KCNAB1: variants seen among roughly 807,000 people sequenced by gnomAD.
The protein encoded by KCNAB1 is potassium voltage-gated channel subfamily A regulatory beta subunit 1, also known as voltage-gated potassium channel subunit beta-1.
A neutral mutation model predicts 64.6 loss-of-function variants in KCNAB1; 35 were observed. The ratio of observed to expected loss-of-function variants is 0.54; its 90% confidence interval spans 0.41 to 0.72. The LOEUF (loss-of-function observed/expected upper bound fraction) is 0.72. KCNAB1 is among the 30% of genes least tolerant of loss of function. The pLI, the probability that KCNAB1 is intolerant of heterozygous loss-of-function variation, is 0.00. For missense variants in KCNAB1, 401 were observed against 512.9 expected, an observed-to-expected ratio of 0.78 and a Z score of 2.11; for synonymous variants, 177 against 183.8, an observed-to-expected ratio of 0.96 and a Z score of 0.30.
chr3:156,438,200 T>G (rs1034345903), intron 2 of KCNAB1, among the ~76,000 whole-genome samples: 2 of 152,198 alleles, frequency 1.3e-5, no homozygotes, highest in Admixed American at 6.5e-5. Context: ...CTAAGTTACT[T>G]GCTCATCCAA....
At chr3:156,154,217 AAGTAGTGCAGAT>A (rs55961618) in intron 1 of KCNAB1, among the ~76,000 whole-genome samples, 116,881 of 151,648 alleles carry the variant, frequency 0.77, 45,242 homozygotes, top group East Asian at 0.93. Flanking sequence ...AGGTCACCAG[AAGTAGTGCAGAT>A]AGTAGTGCAG....
At chr3:156,450,274 A>C (rs770556111) in intron 2 of KCNAB1, among the ~76,000 whole-genome samples, 11 of 152,184 alleles carry the variant, frequency 7.2e-5, no homozygotes, top group Admixed American at 5.2e-4. Flanking sequence ...TGACCAATGC[A>C]TTCTACATCC....
intron 1 of KCNAB1, among the ~76,000 whole-genome samples, chr3:156,283,252 T>C (rs1193548094): frequency 6.6e-6 from 1 of 150,840 alleles, no homozygotes; most frequent in Non-Finnish European, 1.5e-5. Flanking sequence ...TATGAAATTC[T>C]GGGTTGAAAA....
At chr3:156,444,975 AAAG>A (rs974627661) in intron 2 of KCNAB1, among the ~76,000 whole-genome samples, 1 of 152,178 alleles carries the variant, frequency 6.6e-6, no homozygotes, top group Non-Finnish European at 1.5e-5. Context: ...CAATTGAGTA[AAAG>A]AAGAAGAAAG....
intron 1 of KCNAB1, among the ~76,000 whole-genome samples, chr3:156,170,078 T>C (rs1158163434): frequency 6.6e-6 from 1 of 152,172 alleles, no homozygotes; most frequent in African/African-American, 2.4e-5. Flanking sequence ...CCTGTTTCTC[T>C]TGGGGCCAAG....
intron 1 of KCNAB1, among the ~76,000 whole-genome samples, chr3:156,207,214 T>G (rs1282431630): frequency 6.6e-6 from 1 of 152,124 alleles, no homozygotes; most frequent in East Asian, 1.9e-4. Context: ...GGTGGCAGGG[T>G]GGGAGTAGTG....
At chr3:156,368,584 A>G (rs1337910046) in intron 1 of KCNAB1, among the ~76,000 whole-genome samples, 1 of 152,078 alleles carries the variant, frequency 6.6e-6, no homozygotes, top group Non-Finnish European at 1.5e-5. Flanking sequence ...TTCAACTGTT[A>G]TTTGCAAATA....
At chr3:156,458,970 C>G (rs1712672646) in intron 4 of KCNAB1, among the ~76,000 whole-genome samples, 1 of 152,192 alleles carries the variant, frequency 6.6e-6, no homozygotes, top group Non-Finnish European at 1.5e-5. Context: ...CACAGCTAAC[C>G]CGCATCATGG....
In KCNAB1 at chr3:156,213,774, G is replaced by C. The variant is rs575993468; in HGVS notation, c.275+92888G>C. On this transcript the variant is annotated intron_variant, in intron 1 of 13. Transcript: ENST00000490337. ...AATTTGTATTTGGTCTTTGCCCCCA[G>C]TTCCTGACACAGAGGTCCTAAAACC... 3.3e-5 allele frequency among the ~76,000 whole-genome samples: 5 copies of C among 152,324 alleles called. No homozygotes were observed. The South Asian group carries it at 1.0e-3, about 32-fold the overall frequency.
At chr3:156,468,739 T>C (rs2108308096) in intron 7 of KCNAB1, among the ~76,000 whole-genome samples, 1 of 152,352 alleles carries the variant, frequency 6.6e-6, no homozygotes, top group East Asian at 1.9e-4. Context: ...AAGGATACTC[T>C]TTACTAAGTA....
intron 1 of KCNAB1, among the ~76,000 whole-genome samples, chr3:156,203,354 A>T (rs750222235): frequency 1.1e-4 from 16 of 152,206 alleles, no homozygotes; most frequent in Admixed American, 7.2e-4. Flanking sequence ...CTGTCTCTTG[A>T]TGATCTAGAG....
intron 1 of KCNAB1, among the ~76,000 whole-genome samples, chr3:156,259,906 T>TCCAC (rs909069917): frequency 1.3e-5 from 2 of 152,196 alleles, no homozygotes; most frequent in African/African-American, 4.8e-5. Flanking sequence ...ATTGCTGCTC[T>TCCAC]GCCATCTCTG....
At chr3:156,453,092 T>G (rs1011355981) in intron 3 of KCNAB1, 156 bp downstream of exon 3, 3 of 519,468 alleles carry the variant, frequency 5.8e-6, no homozygotes, top group African/African-American at 5.8e-5. Context: ...TTGATTTTAT[T>G]TTTCCTGTTG....
chr3:156,496,576 G>A (rs11711717), intron 8 of KCNAB1, among the ~76,000 whole-genome samples: 14,854 of 152,164 alleles, frequency 0.098, 778 homozygotes, highest in Middle Eastern at 0.2. Context: ...CTTCATAGAA[G>A]TATGAAAATA....
At chr3:156,312,991 G>A (rs1313029385) in intron 1 of KCNAB1, among the ~76,000 whole-genome samples, 2 of 152,102 alleles carry the variant, frequency 1.3e-5, no homozygotes, top group Non-Finnish European at 2.9e-5. Flanking sequence ...CCTGTCTTGT[G>A]TCTCCTCAAC....
chr3:156,515,725 A>G (rs1717515566), intron 10 of KCNAB1, among the ~76,000 whole-genome samples: 1 of 152,210 alleles, frequency 6.6e-6, no homozygotes, highest in Admixed American at 6.5e-5. Flanking sequence ...ATCTATATAT[A>G]ATATACCCAA....
intron 11 of KCNAB1, among the ~76,000 whole-genome samples, chr3:156,521,911 T>C (rs1717960964): frequency 6.6e-6 from 1 of 150,816 alleles, no homozygotes; most frequent in Admixed American, 6.7e-5. Context: ...ATTTATGGTG[T>C]TGAACATGGA....
chr3:156,443,992 T>A (rs1717215630), intron 2 of KCNAB1, among the ~76,000 whole-genome samples: 2 of 151,994 alleles, frequency 1.3e-5, no homozygotes, highest in South Asian at 4.1e-4. Flanking sequence ...GTAATGAAAG[T>A]AAAAAAGAAA....
chr3:156,534,292 G>C (rs1718897260), intron 13 of KCNAB1, among the ~76,000 whole-genome samples: 1 of 152,198 alleles, frequency 6.6e-6, no homozygotes, highest in Admixed American at 6.5e-5. Flanking sequence ...GATGCCACGT[G>C]CCTAAGATGT....
Sources: allele counts gnomAD v4.1 joint callset (sites outside exome capture counted in the v4.1 genomes callset), GRCh38; gene constraint gnomAD v4.1.1; transcripts MANE v1.5; gene names NCBI Gene and HGNC (gene_info 2026-07-23, HGNC 2026-07-21).